Variants in CHD9 observed in about 807,000 individuals in gnomAD.
CHD9 encodes ATP-dependent chromatin remodeler CHD9.
Under a neutral mutation model 316.1 loss-of-function variants are expected in CHD9, and 77 were observed. The observed-to-expected ratio is 0.24, with a 90% CI of 0.20 to 0.29. CHD9 has a LOEUF of 0.29. Ranked by LOEUF, CHD9 falls within the 10% of genes least tolerant of loss-of-function variation. The pLI, the probability that CHD9 is intolerant of heterozygous loss-of-function variation, is 1.00. For missense variants in CHD9, 2,763 were observed against 3,438.1 expected, an observed-to-expected ratio of 0.80 and a Z score of 4.91; for synonymous variants, 1,129 against 1,158.3, an observed-to-expected ratio of 0.97 and a Z score of 0.51.
At chr16:53,269,121 A>G (rs2051973123) in intron 22 of CHD9, among the ~76,000 whole-genome samples, 1 of 152,030 alleles carries the variant, frequency 6.6e-6, no homozygotes, top group Non-Finnish European at 1.5e-5. Flanking sequence ...TTTTCATTAT[A>G]CTTTAATTTG....
chr16:53,308,239 T>G (rs562834759), intron 33 of CHD9, among the ~76,000 whole-genome samples: 2 of 152,244 alleles, frequency 1.3e-5, no homozygotes, highest in South Asian at 4.1e-4. Context: ...ATATAGTATT[T>G]AAATAGTATG....
chr16:53,059,975 T>C (rs1235589387), intron 1 of CHD9, among the ~76,000 whole-genome samples: 1 of 152,184 alleles, frequency 6.6e-6, no homozygotes, highest in East Asian at 1.9e-4. Flanking sequence ...TTATGGACAC[T>C]GAAGTTTTGA....
chr16:53,243,077 A>G (rs2049244364), intron 13 of CHD9, 61 bp downstream of exon 13: 3 of 1,205,524 alleles, frequency 2.5e-6, no homozygotes, highest in Admixed American at 4.5e-5. Flanking sequence ...GTGAAAGGTT[A>G]TAGAGTTAAT....
At chr16:53,113,219 G>C (rs999149230) in intron 1 of CHD9, among the ~76,000 whole-genome samples, 2 of 151,978 alleles carry the variant, frequency 1.3e-5, no homozygotes, top group Non-Finnish European at 2.9e-5. Context: ...TGTGAGGCAG[G>C]CAGCATAGAT....
intron 1 of CHD9, among the ~76,000 whole-genome samples, chr16:53,080,002 C>A (rs934014114): frequency 2.0e-5 from 3 of 152,170 alleles, no homozygotes; most frequent in Non-Finnish European, 4.4e-5. Context: ...GAATTTATAG[C>A]TGGTTGGTCA....
chr16:53,280,694 A>G (rs893451074), intron 24 of CHD9, among the ~76,000 whole-genome samples: 4 of 152,072 alleles, frequency 2.6e-5, no homozygotes, highest in South Asian at 2.1e-4. Context: ...AAAAAAAAAA[A>G]GAAATTTGTC....
At chr16:53,247,665 T>G (rs541124599) in intron 16 of CHD9, 162 bp downstream of exon 16, 1 of 612,958 alleles carries the variant, frequency 1.6e-6, no homozygotes, top group South Asian at 2.1e-5. Context: ...ATGTGTTATA[T>G]TTTCCTAACC....
chr16:53,086,185 A>G (rs2035446704), intron 1 of CHD9, among the ~76,000 whole-genome samples: 1 of 152,152 alleles, frequency 6.6e-6, no homozygotes, highest in African/African-American at 2.4e-5. Context: ...GTCTCCCTTT[A>G]TCAGACCCAG....
At chr16:53,119,748 C>T (rs2038595689) in intron 1 of CHD9, among the ~76,000 whole-genome samples, 1 of 152,106 alleles carries the variant, frequency 6.6e-6, no homozygotes, top group Non-Finnish European at 1.5e-5. Flanking sequence ...AGGATAATTG[C>T]TTGAACCTGG....
At position 53,245,800 on chromosome 16, in the gene CHD9, A is replaced by G. The variant is rs1255885860; in HGVS notation, c.3404A>G (p.Asn1135Ser). Residue 1135 changes from asparagine (N) to serine (S), a missense_variant, in exon 15 of 39, where the codon AAT becomes AGT. Transcript: ENST00000447540. This position sits in a 1 kb window ranked among gnomAD's most constrained non-coding sequence, Gnocchi z 4.1. Reference protein sequence around the residue: ...AGQTNVPNLVNTMMELRKCCN... With the variant: ...AGQTNVPNLVSTMMELRKCCN... ...CAAACTAATGTACCTAACTTGGTCAATACCATGATGGAGCTCAGGAAATGT... is the reference window on the plus strand; with the variant it reads ...CAAACTAATGTACCTAACTTGGTCAGTACCATGATGGAGCTCAGGAAATGT... 2.5e-6 allele frequency: 4 copies of G among 1,577,376 alleles called. No individual in the cohort carries two copies. Among genetic ancestry groups the G allele is most frequent in the Non-Finnish European group, 3.4e-6 (4 of 1,164,876 alleles).
chr16:53,245,232 T>G lies in CHD9; in HGVS notation c.3055-104T>G. On this transcript the variant is annotated intron_variant, in intron 13 of 38. Transcript: ENST00000447540. This position sits in a 1 kb window ranked among gnomAD's most constrained non-coding sequence, Gnocchi z 4.1. ...CACATAACATATATATATGTATATATAGTCAGAAAAATATTTGCATATTGA... is the reference window on the plus strand; with the variant it reads ...CACATAACATATATATATGTATATAGAGTCAGAAAAATATTTGCATATTGA... 6.3e-6 allele frequency: 5 copies of G among 792,572 alleles called. No individual in the cohort carries two copies. Among genetic ancestry groups the G allele is most frequent in the Non-Finnish European group, 9.5e-6 (5 of 524,772 alleles). The allele number at this position is 792,572 out of a possible 1,614,324, so 49.1% of individuals were successfully genotyped here. A position where few individuals can be genotyped will look rare whatever the true frequency, so the allele number is the denominator to read the frequency against.
chr16:53,250,231 G>T lies in CHD9; in HGVS notation c.3861+165G>T, dbSNP rs988336318. On this transcript the variant is annotated intron_variant, in intron 17 of 38. Transcript: ENST00000447540. ...TAGGTGAAGTTATTTTAATTGTTAT[G>T]ATAAAAACTATAATGACAAAAATTT... 14 of 598,610 alleles carry T rather than the reference G, an allele frequency of 2.3e-5. No individual in the cohort carries two copies. The African/African-American group carries it at 2.7e-4, about 11-fold the overall frequency. The allele number at this position is 598,610 out of a possible 1,614,324, so 37.1% of individuals were successfully genotyped here.
chr16:53,117,065 G>T (rs762070428), intron 1 of CHD9, among the ~76,000 whole-genome samples: 39 of 152,232 alleles, frequency 2.6e-4, no homozygotes, highest in Non-Finnish European at 1.6e-4. Flanking sequence ...ACACACTGGG[G>T]TCTGTTGGGG....
chr16:53,067,400 G>A (rs113196225), intron 1 of CHD9, among the ~76,000 whole-genome samples: 2,539 of 151,908 alleles, frequency 0.017, 75 homozygotes, highest in African/African-American at 0.058. Context: ...TTTAATGTTC[G>A]TTTTCTGTCC....
At chr16:53,222,819 G>C in intron 4 of CHD9, 64 bp downstream of exon 4, 2 of 751,416 alleles carry the variant, frequency 2.7e-6, no homozygotes, top group Non-Finnish European at 4.4e-6. Context: ...GCATAATATT[G>C]CCTTATAGAT....
chr16:53,325,086 C>T lies in CHD9; in HGVS notation c.*191C>T. 4 of 502,460 alleles carry T rather than the reference C, an allele frequency of 8.0e-6. No homozygotes were observed. The South Asian group carries it at 1.2e-4, about 15-fold the overall frequency. The allele number at this position is 502,460 out of a possible 1,614,324, so 31.1% of individuals were successfully genotyped here. On this transcript the variant is annotated 3_prime_UTR_variant, in exon 39 of 39. Transcript: ENST00000447540. ...CTTAAGATTCATAAGTTTCTGAACT[C>T]GTATGTACTATCAAATACATAAAGG...
chr16:53,253,374 A>T (rs1013790474), intron 17 of CHD9, among the ~76,000 whole-genome samples: 1 of 152,206 alleles, frequency 6.6e-6, no homozygotes, highest in African/African-American at 2.4e-5. Context: ...GTTCTCACTC[A>T]TAAGTGGGAA....
At chr16:53,298,709 T>G (rs2055055014) in intron 30 of CHD9, 1 of 152,866 alleles carries the variant, frequency 6.5e-6, no homozygotes. Context: ...GTTTGGTGAC[T>G]ACACATGGAC....
chr16:53,223,759 AACAC>A (rs924282899), intron 4 of CHD9, among the ~76,000 whole-genome samples: 1 of 152,084 alleles, frequency 6.6e-6, no homozygotes, highest in African/African-American at 2.4e-5. Flanking sequence ...GTGTTGCTTT[AACAC>A]ACACACAAAA....
Sources: allele counts gnomAD v4.1 joint callset (sites outside exome capture counted in the v4.1 genomes callset), GRCh38; gene constraint gnomAD v4.1.1; non-coding constraint Gnocchi (gnomAD v3.1); transcripts MANE v1.5; gene names NCBI Gene and HGNC (gene_info 2026-07-23, HGNC 2026-07-21).